The following SPATA17 variants were observed in gnomAD, a reference collection of about 807,000 sequenced individuals.
SPATA17 encodes the protein spermatogenesis associated 17, also known as spermatogenesis-associated protein 17.
SPATA17 carries 53 observed loss-of-function variants against 62.2 expected under a neutral mutation model. That is an observed-to-expected ratio of 0.85 (90% CI 0.68 to 1.07). SPATA17 has a LOEUF of 1.07. Among genes scored for constraint, SPATA17 ranks in the 50% least tolerant of loss-of-function variants. The pLI, the probability that SPATA17 is intolerant of heterozygous loss-of-function variation, is 0.00. For missense variants in SPATA17, 466 were observed against 425.5 expected (o/e 1.10, Z -0.84); for synonymous variants, 146 against 146.8 (o/e 0.99, Z 0.04).
At chr1:217,833,812 A>G (rs977393228) in intron 9 of SPATA17, among the ~76,000 whole-genome samples, 2 of 152,196 alleles carry the variant, frequency 1.3e-5, no homozygotes, top group Non-Finnish European at 2.9e-5. Flanking sequence ...TAATGAGAAC[A>G]CTGCTATTGT....
intron 5 of SPATA17, among the ~76,000 whole-genome samples, chr1:217,728,471 G>A (rs981382127): frequency 3.9e-5 from 6 of 152,056 alleles, no homozygotes; most frequent in East Asian, 3.9e-4. Context: ...CTATTTCATC[G>A]TTGATTGTTT....
chr1:217,790,109 G>A (rs1201625551), intron 8 of SPATA17, among the ~76,000 whole-genome samples: 1 of 152,116 alleles, frequency 6.6e-6, no homozygotes, highest in Non-Finnish European at 1.5e-5. Flanking sequence ...CTTCCCCCAA[G>A]CCCCTTACGA....
chr1:217,767,792 G>A (rs746297179), intron 6 of SPATA17, among the ~76,000 whole-genome samples: 1 of 152,108 alleles, frequency 6.6e-6, no homozygotes, highest in Non-Finnish European at 1.5e-5. Context: ...TCTTAGTCAT[G>A]GTAAATCCTG....
intron 9 of SPATA17, among the ~76,000 whole-genome samples, chr1:217,829,330 A>G (rs1675074923): frequency 1.3e-5 from 2 of 152,112 alleles, no homozygotes; most frequent in Non-Finnish European, 1.5e-5. Context: ...AGACACAGAA[A>G]GAAAATACTG....
At chr1:217,774,611 A>G (rs1006237895) in intron 7 of SPATA17, 74 bp downstream of exon 7, 17 of 1,223,576 alleles carry the variant, frequency 1.4e-5, no homozygotes, top group Admixed American at 2.2e-5. Context: ...ATATAACACT[A>G]TCTTAATTTA....
chr1:217,820,521 G>T (rs918216874), intron 9 of SPATA17, among the ~76,000 whole-genome samples: 7 of 151,474 alleles, frequency 4.6e-5, no homozygotes, highest in African/African-American at 1.7e-4. Flanking sequence ...TTAACTTTCT[G>T]CAAAAGGCTA....
At position 217,651,501 on chromosome 1, in the gene SPATA17, A is replaced by G. The variant is rs150828988; in HGVS notation, c.240+323A>G. Among the ~76,000 whole-genome samples, 1,222 of 152,304 alleles carry G rather than the reference A, an allele frequency of 8.0e-3. 18 individuals carry two copies. The highest frequency in any genetic ancestry group is 0.027 in the African/African-American group (1,124 of 41,554). ...TGAGCTTTTTGAGAGTGGGCACTGC[A>G]GCCCACTTCCTTTTTGGATCACCAA... On this transcript the variant is annotated intron_variant, in intron 3 of 10. Transcript: ENST00000366933.
At chr1:217,843,663 G>A (rs532902769) in intron 9 of SPATA17, among the ~76,000 whole-genome samples, 3 of 151,958 alleles carry the variant, frequency 2.0e-5, no homozygotes, top group South Asian at 4.1e-4. Context: ...TGATGGCTAC[G>A]GGTTTATGTT....
chr1:217,788,631 T>C (rs1371733749), intron 8 of SPATA17, among the ~76,000 whole-genome samples: 1 of 152,072 alleles, frequency 6.6e-6, no homozygotes, highest in East Asian at 1.9e-4. Context: ...TTACCTTTCC[T>C]AGCTTTAAAG....
At chr1:217,709,909 C>T (rs1018140272) in intron 5 of SPATA17, among the ~76,000 whole-genome samples, 2 of 152,096 alleles carry the variant, frequency 1.3e-5, no homozygotes, top group Non-Finnish European at 2.9e-5. Context: ...CTTATACCAG[C>T]AACAATTAAG....
chr1:217,782,207 C>A lies in SPATA17; in HGVS notation c.757C>A (p.Gln253Lys). 2 of 1,608,288 alleles carry A rather than the reference C, an allele frequency of 1.2e-6. No individual in the cohort carries two copies. The highest frequency in any genetic ancestry group is 2.2e-5 in the South Asian group (2 of 90,160). The change falls in exon 8 of 11, where the codon CAA (glutamine) becomes AAA (lysine). Residue 253 changes from glutamine (Q) to lysine (K), a missense_variant. By Grantham distance (53) the Gln-to-Lys change is moderately conservative. Coordinates refer to ENST00000366933, the MANE Select transcript of SPATA17 (RefSeq NM_138796.4). ...CCGAGATATCACCGAAGTATTAGAACAACGCTACAGGCCTTTGGAGCCAAC... is the reference window on the plus strand; with the variant it reads ...CCGAGATATCACCGAAGTATTAGAAAAACGCTACAGGCCTTTGGAGCCAAC... ...PFRDITEVLE[Q>K]RYRPLEPTLR...
intron 7 of SPATA17, among the ~76,000 whole-genome samples, chr1:217,780,119 A>G (rs935619063): frequency 6.6e-6 from 1 of 152,118 alleles, no homozygotes; most frequent in African/African-American, 2.4e-5. Flanking sequence ...TAGATATATA[A>G]ATATAGATAT....
intron 6 of SPATA17, among the ~76,000 whole-genome samples, chr1:217,756,424 T>C (rs776266868): frequency 1.6e-4 from 25 of 152,118 alleles, no homozygotes; most frequent in Non-Finnish European, 3.2e-4. Flanking sequence ...AGTTACACAA[T>C]AGATATAGGA....
chr1:217,713,613 T>C (rs2102928437), intron 5 of SPATA17, among the ~76,000 whole-genome samples: 1 of 152,336 alleles, frequency 6.6e-6, no homozygotes, highest in South Asian at 2.1e-4. Flanking sequence ...CACTGTACTC[T>C]GAGGCCTAGG....
chr1:217,795,877 C>A (rs1224094701), intron 8 of SPATA17, among the ~76,000 whole-genome samples: 1 of 152,024 alleles, frequency 6.6e-6, no homozygotes, highest in African/African-American at 2.4e-5. Flanking sequence ...TGACTCACGG[C>A]AGCTTTGACC....
chr1:217,855,037 C>T (rs1427783396), intron 9 of SPATA17, among the ~76,000 whole-genome samples: 1 of 152,164 alleles, frequency 6.6e-6, no homozygotes, highest in African/African-American at 2.4e-5. Flanking sequence ...TGCAGTACCT[C>T]ATTATTTGGA....
rs183724502 is a variant in SPATA17, at chr1:217,748,612, G to A, written c.519+6514G>A. Among the ~76,000 whole-genome samples the A allele has an allele frequency of 1.6e-4, 24 of 151,614 alleles. No homozygotes were observed. The East Asian group carries it at 4.2e-3, about 26-fold the overall frequency. On this transcript the variant is annotated intron_variant, in intron 6 of 10. Coordinates refer to ENST00000366933, the MANE Select transcript of SPATA17 (RefSeq NM_138796.4). ...ATAAAAAAATTAGTTGGATGTGGTG[G>A]CGGGCGCCTGTAATCCCATCTACTC...
At chr1:217,832,501 G>C (rs1010857127) in intron 9 of SPATA17, among the ~76,000 whole-genome samples, 1 of 152,036 alleles carries the variant, frequency 6.6e-6, no homozygotes, top group South Asian at 2.1e-4. Context: ...AGATTTTCAG[G>C]TATCAAATGT....
chr1:217,729,331 G>A (rs1672343297), intron 5 of SPATA17, among the ~76,000 whole-genome samples: 1 of 152,172 alleles, frequency 6.6e-6, no homozygotes, highest in South Asian at 2.1e-4. Flanking sequence ...TCAAGGACAT[G>A]AGTAGAGCAC....
Sources: gnomAD v4.1 joint callset for allele counts (sites outside exome capture counted in the v4.1 genomes callset) on GRCh38, gnomAD v4.1.1 for gene constraint, MANE v1.5 for transcripts, NCBI Gene and HGNC (gene_info 2026-07-23, HGNC 2026-07-21) for gene names.